Variants in CCDC148 observed in about 807,000 individuals in gnomAD.
CCDC148 encodes coiled-coil domain-containing protein 148.
CCDC148 carries 89 observed loss-of-function variants against 85.7 expected under a neutral mutation model. That is an observed-to-expected ratio of 1.04 (90% CI 0.87 to 1.24). The LOEUF (loss-of-function observed/expected upper bound fraction) is 1.24, where lower values mean the gene tolerates loss of function less well. Ranked by LOEUF, CCDC148 falls within the 50% of genes most tolerant of loss-of-function variation. The probability of loss-of-function intolerance (pLI) is 0.00; values close to 1 mark genes in which losing one functional copy is unlikely to be tolerated. For missense variants in CCDC148, 692 were observed against 671.7 expected (o/e 1.03, Z -0.33); for synonymous variants, 230 against 213.9 (o/e 1.08, Z -0.66).
At chr2:158,421,361 C>A (rs549587561) in intron 1 of CCDC148, among the ~76,000 whole-genome samples, 106 of 152,074 alleles carry the variant, frequency 7.0e-4, no homozygotes, top group African/African-American at 2.4e-3. Context: ...CAGCAAATGT[C>A]AAAGAATAGA....
chr2:158,391,716 T>G (rs770837001), intron 1 of CCDC148, among the ~76,000 whole-genome samples: 3 of 152,198 alleles, frequency 2.0e-5, no homozygotes, highest in Non-Finnish European at 2.9e-5. Context: ...TTCTTTTCAC[T>G]TATACTGAAG....
rs116466185 is a variant in CCDC148 at position 158,361,339 on chromosome 2, T to C, written c.26-2769A>G. Among the ~76,000 whole-genome samples the C allele has an allele frequency of 9.6e-3, 1,460 of 152,244 alleles. 20 individuals carry two copies. The highest frequency in any genetic ancestry group is 0.033 in the African/African-American group (1,353 of 41,518). On this transcript the variant is annotated intron_variant, in intron 1 of 13. Coordinates refer to ENST00000283233, the MANE Select transcript of CCDC148 (RefSeq NM_138803.4). ...AATACAGAGAACACCACAAAGATTT[T>C]GCTTGAGAAGAGCAATCCCAAGACA...
At chr2:158,295,950 TTAAG>T (rs919436832) in intron 9 of CCDC148, among the ~76,000 whole-genome samples, 8 of 152,226 alleles carry the variant, frequency 5.3e-5, no homozygotes, top group Admixed American at 5.2e-4. Context: ...TGTTTTCTTA[TTAAG>T]TTTCAATAAA....
intron 9 of CCDC148, among the ~76,000 whole-genome samples, chr2:158,280,824 A>AT (rs1225133171): frequency 6.6e-6 from 1 of 152,110 alleles, no homozygotes; most frequent in Admixed American, 6.5e-5. Context: ...CAGAATATAC[A>AT]TTTTTTTCAG....
intron 11 of CCDC148, 112 bp from the exon 12 acceptor site, chr2:158,179,108 T>C (rs1397800626): frequency 1.5e-5 from 9 of 612,728 alleles, no homozygotes; most frequent in South Asian, 2.8e-5. Flanking sequence ...ACTGTCACAT[T>C]TTTTTTTTTA....
intron 11 of CCDC148, among the ~76,000 whole-genome samples, chr2:158,186,463 A>T (rs1685160230): frequency 6.6e-6 from 1 of 152,106 alleles, no homozygotes; most frequent in African/African-American, 2.4e-5. Context: ...CCCTTCTGAC[A>T]CTGTCACCCA....
rs146107756 is a variant in CCDC148 at position 158,443,238 on chromosome 2, C to T, written c.25+13177G>A. Among the ~76,000 whole-genome samples, 5 of 147,730 alleles carry T rather than the reference C, an allele frequency of 3.4e-5. No homozygotes were observed. In the East Asian group the frequency reaches 6.3e-4, roughly 19 times the overall value. ...CCTGTAATGTCAGCACTTTGGGAGT[C>T]GGGGTGGGAGGATCTCTTGGGAGTC... On this transcript the variant is annotated intron_variant, in intron 1 of 13. Transcript: ENST00000283233.
chr2:158,283,172 A>C (rs1574542756), intron 9 of CCDC148, among the ~76,000 whole-genome samples: 1 of 152,338 alleles, frequency 6.6e-6, no homozygotes, highest in East Asian at 1.9e-4. Context: ...AAACCATAAA[A>C]ACCCTAGACG....
rs1037630813 is a variant in CCDC148 at position 158,171,167 on chromosome 2, G to C, written c.*946C>G. 1.3e-4 allele frequency: 14 copies of C among 109,648 alleles called. 1 individual carries two copies. The highest frequency in any genetic ancestry group is 4.3e-4 in the African/African-American group (14 of 32,924). The allele number at this position is 109,648 out of a possible 1,614,324, so 6.8% of individuals were successfully genotyped here. On this transcript the variant is annotated 3_prime_UTR_variant, in exon 14 of 14. Transcript: ENST00000283233. ...ATAAAGTCAAAGATTCCACTAGTTG[G>C]ATTGGGCTTTTTTTTTTTTACATTA...
At chr2:158,406,628 T>TTTTTTTTTTTTTTTTTTTTG (rs1559124662) in intron 1 of CCDC148, among the ~76,000 whole-genome samples, 5 of 118,996 alleles carry the variant, frequency 4.2e-5, no homozygotes, top group African/African-American at 1.2e-4. Context: ...TTTTTTTTTT[T>TTTTTTTTTTTTTTTTTTTTG]TTTTTTTTTT....
chr2:158,195,000 G>C (rs1279942248), intron 11 of CCDC148, among the ~76,000 whole-genome samples: 1 of 151,634 alleles, frequency 6.6e-6, no homozygotes, highest in Non-Finnish European at 1.5e-5. Context: ...ATGTGCTACA[G>C]TCTCTGCTTG....
chr2:158,382,898 G>A (rs796280100), intron 1 of CCDC148, among the ~76,000 whole-genome samples: 10 of 152,116 alleles, frequency 6.6e-5, no homozygotes, highest in African/African-American at 2.4e-4. Flanking sequence ...TCCAGCCTGG[G>A]TGACAGAGTG....
At chr2:158,195,586 C>T (rs1009759026) in intron 11 of CCDC148, among the ~76,000 whole-genome samples, 2 of 152,102 alleles carry the variant, frequency 1.3e-5, no homozygotes, top group Non-Finnish European at 2.9e-5. Flanking sequence ...GACCCATTGT[C>T]CCTAGCTCAG....
intron 1 of CCDC148, among the ~76,000 whole-genome samples, chr2:158,412,251 G>A (rs371786963): frequency 4.7e-4 from 72 of 152,230 alleles, no homozygotes; most frequent in African/African-American, 1.6e-3. Flanking sequence ...GCTTTTCTAC[G>A]TGCCTATCCC....
chr2:158,414,349 T>A (rs1686396914), intron 1 of CCDC148, among the ~76,000 whole-genome samples: 1 of 152,216 alleles, frequency 6.6e-6, no homozygotes, highest in African/African-American at 2.4e-5. Context: ...GCCAAGTCTT[T>A]ATAGGATTCT....
chr2:158,311,723 T>C (rs1692028221), intron 8 of CCDC148, among the ~76,000 whole-genome samples: 1 of 152,180 alleles, frequency 6.6e-6, no homozygotes, highest in African/African-American at 2.4e-5. Context: ...GCTACCACAA[T>C]CCTGAAAATT....
chr2:158,308,918 C>T (rs977118827), intron 9 of CCDC148, among the ~76,000 whole-genome samples: 1 of 152,196 alleles, frequency 6.6e-6, no homozygotes, highest in Non-Finnish European at 1.5e-5. Flanking sequence ...TCCAGCCCCG[C>T]TAGATATTTC....
chr2:158,355,298 T>A (rs9677120), intron 2 of CCDC148, among the ~76,000 whole-genome samples: 1 of 151,828 alleles, frequency 6.6e-6, no homozygotes, highest in East Asian at 1.9e-4. Flanking sequence ...TGTCCCTGTT[T>A]GCAGACGACA....
At chr2:158,322,049 T>C (rs752900426) in intron 7 of CCDC148, among the ~76,000 whole-genome samples, 1 of 152,184 alleles carries the variant, frequency 6.6e-6, no homozygotes, top group African/African-American at 2.4e-5. Flanking sequence ...AGTCTACTAA[T>C]GAAAACATAA....
Sources: gnomAD v4.1 joint callset for allele counts (sites outside exome capture counted in the v4.1 genomes callset) on GRCh38, gnomAD v4.1.1 for gene constraint, MANE v1.5 for transcripts, NCBI Gene and HGNC (gene_info 2026-07-23, HGNC 2026-07-21) for gene names.